Variants in SH3PXD2A observed in about 807,000 individuals in gnomAD.
SH3PXD2A encodes SH3 and PX domains 2A.
In SH3PXD2A, 32 loss-of-function variants were observed where a neutral mutation model predicts 115.2. The ratio of observed to expected loss-of-function variants is 0.28; its 90% CI spans 0.21 to 0.37. The LOEUF (loss-of-function observed/expected upper bound fraction) is 0.37. Among genes scored for constraint, SH3PXD2A ranks in the 10% least tolerant of loss-of-function variants. The pLI, the probability that SH3PXD2A is intolerant of heterozygous loss-of-function variation, is 1.00. For missense variants in SH3PXD2A, 1,328 were observed against 1,498.7 expected, an observed-to-expected ratio of 0.89 and a Z score of 1.88; for synonymous variants, 610 against 629.1, an observed-to-expected ratio of 0.97 and a Z score of 0.45.
chr10:103,710,367 C>A (rs943197591), intron 5 of SH3PXD2A, among the ~76,000 whole-genome samples: 1 of 152,000 alleles, frequency 6.6e-6, no homozygotes, highest in Non-Finnish European at 1.5e-5. Flanking sequence ...AGAGTGAGAC[C>A]CCATCTCAAA....
Position 103,668,610 on chromosome 10 carries a change from G to A in SH3PXD2A, c.470C>T (p.Thr157Ile), listed in dbSNP as rs1221724532. 5.1e-6 allele frequency: 8 copies of A among 1,555,202 alleles called. No homozygotes were observed. The highest frequency in any genetic ancestry group is 7.0e-6 in the Non-Finnish European group (8 of 1,149,054). Residue 157 changes from threonine (T) to isoleucine (I), a missense_variant and splice_region_variant, in exon 7 of 15, where the codon ACA becomes ATA. Thr to Ile is a moderately conservative substitution (Grantham distance 89, BLOSUM62 -1). Transcript: ENST00000369774. The part of the protein sequence containing the change: ...SWAESPKKDV[T>I]GADATAEPMI... ...CATGCATGCACGCTGGGCAGTACCT[G>A]TCACGTCCTTCTTGGGCGACTCAGC... is the stretch of plus-strand genomic sequence containing the variant.
intron 1 of SH3PXD2A, among the ~76,000 whole-genome samples, chr10:103,839,583 C>T (rs1203416212): frequency 6.6e-6 from 1 of 151,298 alleles, no homozygotes; most frequent in African/African-American, 2.4e-5. Context: ...GGCCACACAG[C>T]CCCTCCCCCA....
chr10:103,780,204 C>T (rs149089922), intron 2 of SH3PXD2A, among the ~76,000 whole-genome samples: 1 of 152,158 alleles, frequency 6.6e-6, no homozygotes, highest in Non-Finnish European at 1.5e-5. Flanking sequence ...CAGAGCAGGC[C>T]CCCAGTGTGC....
chr10:103,633,194 T>C (rs1024561374), intron 8 of SH3PXD2A, among the ~76,000 whole-genome samples: 1 of 151,980 alleles, frequency 6.6e-6, no homozygotes, highest in Non-Finnish European at 1.5e-5. Flanking sequence ...GGCAGACGGA[T>C]TGCTTGAGGC....
At chr10:103,622,625 T>C (rs1390149677) in intron 9 of SH3PXD2A, 72 bp from the exon 10 acceptor site, 2 of 520,740 alleles carry the variant, frequency 3.8e-6, no homozygotes, top group East Asian at 5.6e-5. Flanking sequence ...GAGGATGAGA[T>C]GGGATGGGGG....
intron 5 of SH3PXD2A, among the ~76,000 whole-genome samples, chr10:103,710,562 A>G (rs1315278458): frequency 6.6e-6 from 1 of 152,116 alleles, no homozygotes; most frequent in African/African-American, 2.4e-5. Context: ...CATTTATTGC[A>G]TTTACTGTGT....
chr10:103,633,052 G>A (rs1364094795), intron 8 of SH3PXD2A, among the ~76,000 whole-genome samples: 1 of 152,174 alleles, frequency 6.6e-6, no homozygotes, highest in Non-Finnish European at 1.5e-5. Flanking sequence ...AAGGACCTGA[G>A]ACCTGAAGCC....
Position 103,759,843 on chromosome 10 carries a change from C to T in SH3PXD2A, c.229+7251G>A, listed in dbSNP as rs146863364. On this transcript the variant is annotated intron_variant, in intron 3 of 14. Transcript: ENST00000369774. ...CCCTGAGAGGCTGGTGACCCCGCCA[C>T]GCTTGGCCCAATGTCCTAAGGAATT... Among the ~76,000 whole-genome samples the T allele has an allele frequency of 3.3e-5, 5 of 152,334 alleles. No individual in the cohort carries two copies. The East Asian group carries it at 9.6e-4, about 29-fold the overall frequency.
chr10:103,612,358 G>T (rs1040539556), intron 12 of SH3PXD2A, among the ~76,000 whole-genome samples: 2 of 152,166 alleles, frequency 1.3e-5, no homozygotes, highest in Non-Finnish European at 2.9e-5. Flanking sequence ...CATAGGGAAG[G>T]AGCTGCTAAG....
rs547471506 is a variant in SH3PXD2A, at chr10:103,594,777, G to A, written c.*7039C>T. ...ACGCAAAATGGTAGGGTATATCCAT[G>A]GATGAATGTTCATCACACCCAGTCT... On this transcript the variant is annotated 3_prime_UTR_variant, in exon 15 of 15. Coordinates refer to ENST00000369774, the MANE Select transcript of SH3PXD2A (RefSeq NM_001394015.1). 6.6e-6 allele frequency: 1 copy of A among 152,304 alleles called. No individual in the cohort carries two copies. Among genetic ancestry groups the A allele is most frequent in the South Asian group, 2.1e-4 (1 of 4,826 alleles). The allele number at this position is 152,304 out of a possible 1,614,324, so 9.4% of individuals were successfully genotyped here.
At chr10:103,608,788 C>T (rs1329866474) in intron 13 of SH3PXD2A, 2 of 152,146 alleles carry the variant, frequency 1.3e-5, no homozygotes, top group South Asian at 2.1e-4. Context: ...ATTATTAATG[C>T]AGTAATTTCT....
At chr10:103,769,181 T>TGTGTGTGTGTGC (rs1554921417) in intron 2 of SH3PXD2A, among the ~76,000 whole-genome samples, 1 of 112,948 alleles carries the variant, frequency 8.9e-6, no homozygotes, top group African/African-American at 3.0e-5. Flanking sequence ...TGTGTGTGTG[T>TGTGTGTGTGTGC]GCGCGCGCGC....
chr10:103,651,513 C>T (rs887845801), intron 8 of SH3PXD2A, among the ~76,000 whole-genome samples: 4 of 152,204 alleles, frequency 2.6e-5, no homozygotes, highest in African/African-American at 4.8e-5. Flanking sequence ...GTGAAATCTA[C>T]AATGCAAATA....
intron 2 of SH3PXD2A, among the ~76,000 whole-genome samples, chr10:103,773,045 G>A (rs934754941): frequency 2.6e-5 from 4 of 152,140 alleles, no homozygotes; most frequent in East Asian, 1.9e-4. Flanking sequence ...ACCACATGGT[G>A]AAACCCTATC....
At chr10:103,845,264 G>T (rs1286492484) in intron 1 of SH3PXD2A, among the ~76,000 whole-genome samples, 1 of 150,498 alleles carries the variant, frequency 6.6e-6, no homozygotes, top group East Asian at 1.9e-4. Flanking sequence ...CCAGGAAGTG[G>T]ACGTTGCAGT....
chr10:103,766,757 A>T (rs2038759069), intron 3 of SH3PXD2A, among the ~76,000 whole-genome samples: 1 of 152,228 alleles, frequency 6.6e-6, no homozygotes, highest in Non-Finnish European at 1.5e-5. Flanking sequence ...GGGAGTCAGT[A>T]CAAACATCTC....
At chr10:103,779,986 G>T (rs1367161704) in intron 2 of SH3PXD2A, among the ~76,000 whole-genome samples, 1 of 152,176 alleles carries the variant, frequency 6.6e-6, no homozygotes, top group African/African-American at 2.4e-5. Flanking sequence ...ACCTTTTCCC[G>T]GCTGAACCAC....
chr10:103,770,755 T>A (rs1280333269), intron 2 of SH3PXD2A, among the ~76,000 whole-genome samples: 6 of 152,212 alleles, frequency 3.9e-5, no homozygotes, highest in African/African-American at 1.2e-4. Flanking sequence ...TCTGCTGGCT[T>A]ATCCTGGTGG....
intron 3 of SH3PXD2A, among the ~76,000 whole-genome samples, 173 bp from the exon 4 acceptor site, chr10:103,735,981 C>T (rs757509104): frequency 1.1e-4 from 16 of 152,146 alleles, no homozygotes; most frequent in Non-Finnish European, 2.1e-4. Flanking sequence ...GGGCAGGAGG[C>T]GCCCTAGGCT....
Sources: gnomAD v4.1 joint callset for allele counts (sites outside exome capture counted in the v4.1 genomes callset) on GRCh38, gnomAD v4.1.1 for gene constraint, MANE v1.5 for transcripts, NCBI Gene and HGNC (gene_info 2026-07-23, HGNC 2026-07-21) for gene names.